Variants in WIPI1 observed in about 807,000 individuals in gnomAD.
WIPI1 encodes the protein WD repeat domain, phosphoinositide interacting 1, also known as WD repeat domain phosphoinositide-interacting protein 1.
WIPI1 carries 45 observed loss-of-function variants against 55.3 expected under a neutral mutation model. The ratio of observed to expected loss-of-function variants is 0.81; its 90% CI spans 0.64 to 1.04. The LOEUF is 1.04. Ranked by LOEUF, WIPI1 falls within the 50% of genes least tolerant of loss-of-function variation. The pLI is 0.00. For missense variants in WIPI1, 445 were observed against 559.0 expected, an observed-to-expected ratio of 0.80 and a Z score of 2.06; for synonymous variants, 195 against 217.6, an observed-to-expected ratio of 0.90 and a Z score of 0.92.
At chr17:68,424,960 A>T (rs898016106) in intron 12 of WIPI1, among the ~76,000 whole-genome samples, 1 of 152,246 alleles carries the variant, frequency 6.6e-6, no homozygotes, top group Non-Finnish European at 1.5e-5. Flanking sequence ...GAAGCTCACA[A>T]GAGCGGTCTA....
At chr17:68,451,821 AAGTT>A (rs1351945338) in intron 2 of WIPI1, among the ~76,000 whole-genome samples, 1 of 152,204 alleles carries the variant, frequency 6.6e-6, no homozygotes, top group Non-Finnish European at 1.5e-5. Context: ...ACTCAGGAAG[AAGTT>A]AGTTAATGAC....
At position 68,421,542 on chromosome 17, in the gene WIPI1, C is replaced by T. The variant is rs961237415; in HGVS notation, c.*231G>A. The T allele has an allele frequency of 9.0e-6, 5 of 557,672 alleles. No individual in the cohort carries two copies. In the Admixed American group the frequency reaches 9.0e-5, roughly 10 times the overall value. 34.5% of individuals were successfully genotyped at this position (557,672 alleles called of 1,614,324 possible). On this transcript the variant is annotated 3_prime_UTR_variant, in exon 13 of 13. Coordinates refer to ENST00000262139, the MANE Select transcript of WIPI1 (RefSeq NM_017983.7). The stretch of plus-strand genomic sequence containing the variant: ...ATTAGCATTTACACTATAGTTTGAA[C>T]GTATTTTAAATAGCATGATGTGTAT...
At chr17:68,443,874 G>A (rs117134371) in intron 4 of WIPI1, among the ~76,000 whole-genome samples, 210 of 152,260 alleles carry the variant, frequency 1.4e-3, no homozygotes, top group Middle Eastern at 3.4e-3. Context: ...ATTCTTTCTT[G>A]TTTACTCCTA....
At position 68,444,495 on chromosome 17, in the gene WIPI1, G is replaced by A. The variant is rs767076790; in HGVS notation, c.428C>T (p.Thr143Ile). The change falls in exon 4 of 13, where the codon ACA becomes ATA. Residue 143 changes from threonine (T) to isoleucine (I), a missense_variant and splice_region_variant. By Grantham distance (89) the Thr-to-Ile change is moderately conservative. Coordinates refer to ENST00000262139, the MANE Select transcript of WIPI1 (RefSeq NM_017983.7). ...KTLLDIPANP[T>I]GLCALSINHS... ...TTTGTTCCATTTTTGGAGCTCACCTGTTGGGTTTGCAGGAATATCCAGGAG... is the reference window on the plus strand; with the variant it reads ...TTTGTTCCATTTTTGGAGCTCACCTATTGGGTTTGCAGGAATATCCAGGAG... 1 of 1,612,798 alleles carries A rather than the reference G, an allele frequency of 6.2e-7. No homozygotes were observed. Among genetic ancestry groups the A allele is most frequent in the South Asian group, 1.1e-5 (1 of 90,692 alleles).
chr17:68,425,891 C>A (rs947895890), intron 12 of WIPI1, 184 bp downstream of exon 12: 1 of 582,428 alleles, frequency 1.7e-6, no homozygotes, highest in Non-Finnish European at 3.0e-6. Flanking sequence ...ACACCTAAAG[C>A]CTACTCTGTA....
chr17:68,438,864 T>C (rs528363583), intron 4 of WIPI1, among the ~76,000 whole-genome samples: 2 of 152,272 alleles, frequency 1.3e-5, no homozygotes, highest in African/African-American at 4.8e-5. Flanking sequence ...CCTCCCAAAG[T>C]GCTGGGATTA....
intron 8 of WIPI1, among the ~76,000 whole-genome samples, chr17:68,433,074 A>G (rs1412142706): frequency 1.3e-5 from 2 of 152,246 alleles, no homozygotes; most frequent in Non-Finnish European, 2.9e-5. Flanking sequence ...ATATTGTTAT[A>G]TTTACAGCTA....
At chr17:68,450,580 A>C (rs1340572794) in intron 3 of WIPI1, 148 bp downstream of exon 3, 1 of 1,091,570 alleles carries the variant, frequency 9.2e-7, no homozygotes, top group African/African-American at 1.6e-5. Flanking sequence ...CTCTGTTTAC[A>C]ATACCCCCGG....
At chr17:68,453,387 G>A (rs1427832883) in intron 1 of WIPI1, among the ~76,000 whole-genome samples, 1 of 152,164 alleles carries the variant, frequency 6.6e-6, no homozygotes, top group African/African-American at 2.4e-5. Context: ...TGTTGTCTGA[G>A]AGGCACTTTA....
At chr17:68,444,132 C>T (rs957646692) in intron 4 of WIPI1, among the ~76,000 whole-genome samples, 7 of 152,182 alleles carry the variant, frequency 4.6e-5, no homozygotes, top group African/African-American at 1.2e-4. Flanking sequence ...CTAATTATCA[C>T]GCCTACTCTG....
rs199649033 is a variant in WIPI1 at position 68,437,948 on chromosome 17, T to TAAAAAAAAAAAAA, written c.431-1482_431-1470dup. On this transcript the variant is annotated intron_variant, in intron 4 of 12. Transcript: ENST00000262139. ...GATCACGCAAGAGAGACATCTCTCT[T>TAAAAAAAAAAAAA]AAAAAAAAAAAAAAAAAAAAAAAAA... is the stretch of plus-strand genomic sequence containing the variant. Among the ~76,000 whole-genome samples the TAAAAAAAAAAAAA allele has an allele frequency of 8.6e-4, 68 of 78,788 alleles. 1 individual carries two copies. Among genetic ancestry groups the TAAAAAAAAAAAAA allele is most frequent in the African/African-American group, 2.8e-3 (59 of 21,038 alleles). 51.7% of individuals were successfully genotyped at this position (78,788 alleles called of 152,430 possible). A position where few individuals can be genotyped will look rare whatever the true frequency, so the allele number is the denominator to read the frequency against.
Position 68,435,640 on chromosome 17 carries a change from G to A in WIPI1, c.601C>T (p.Leu201=), listed in dbSNP as rs1354295688. 2.5e-6 allele frequency: 4 copies of A among 1,614,198 alleles called. No individual in the cohort carries two copies. The South Asian group carries it at 4.4e-5, about 18-fold the overall frequency. The part of the protein sequence containing the change: ...AITFNASGSK[L]ASASEKGTVI... ...CTCACTTTTTCAGACGCACTTGCTAGTTTGGAGCCTGAGGCATTGAAGGTG... is the reference window on the plus strand; with the variant it reads ...CTCACTTTTTCAGACGCACTTGCTAATTTGGAGCCTGAGGCATTGAAGGTG... The change falls in exon 6 of 13, where the codon CTA becomes TTA. Residue 201 remains leucine (L), a synonymous_variant. Transcript: ENST00000262139.
intron 9 of WIPI1, 47 bp from the exon 10 acceptor site, chr17:68,428,983 G>A (rs775595246): frequency 3.5e-5 from 50 of 1,447,638 alleles, no homozygotes; most frequent in Non-Finnish European, 4.3e-5. Context: ...GAAGATGGGC[G>A]ATGGATTCGC....
chr17:68,436,579 C>A, intron 4 of WIPI1, 100 bp from the exon 5 acceptor site: 1 of 1,068,764 alleles, frequency 9.4e-7, no homozygotes, highest in Non-Finnish European at 1.4e-6. Context: ...GTGCCACCTA[C>A]TGGCAAGGGG....
intron 4 of WIPI1, among the ~76,000 whole-genome samples, chr17:68,442,732 GATC>G (rs1448556585): frequency 6.6e-6 from 1 of 152,158 alleles, no homozygotes; most frequent in Non-Finnish European, 1.5e-5. Flanking sequence ...TCTCATTCCT[GATC>G]AGAAGAGCAC....
At position 68,435,206 on chromosome 17, in the gene WIPI1, C is replaced by CAAA. The variant is rs35370218; in HGVS notation, c.621+411_621+413dup. ...TGGGCGACAGAGCTAGACTCCACCT[C>CAAA]AAAAAAAAAAAAAAAATTCAATTGG... is the stretch of plus-strand genomic sequence containing the variant. On this transcript the variant is annotated intron_variant, in intron 6 of 12. Transcript: ENST00000262139. Among the ~76,000 whole-genome samples, 262 of 139,194 alleles carry CAAA rather than the reference C, an allele frequency of 1.9e-3. 1 individual carries two copies. Among genetic ancestry groups the CAAA allele is most frequent in the African/African-American group, 6.6e-3 (243 of 36,616 alleles). 91.3% of individuals were successfully genotyped at this position (139,194 alleles called of 152,430 possible).
intron 12 of WIPI1, among the ~76,000 whole-genome samples, chr17:68,424,736 G>T (rs1013858780): frequency 6.6e-6 from 1 of 152,114 alleles, no homozygotes; most frequent in Admixed American, 6.5e-5. Context: ...TATTAGTTGG[G>T]CATGGTGGCG....
intron 7 of WIPI1, 35 bp from the exon 8 acceptor site, chr17:68,433,610 G>A: frequency 1.3e-6 from 2 of 1,552,334 alleles, no homozygotes; most frequent in South Asian, 1.1e-5. Flanking sequence ...CAGTGAGCAA[G>A]AGAAATGGGA....
Position 68,423,774 on chromosome 17 carries a change from A to G in WIPI1, c.1294-1954T>C, listed in dbSNP as rs1202967161. ...AATAAATGATCTGCACAAGGTACCT[A>G]TTATTTTATACAGGTTCTTTGGCAA... On this transcript the variant is annotated intron_variant, in intron 12 of 12. Transcript: ENST00000262139. This position sits in a 1 kb window ranked among gnomAD's most constrained non-coding sequence, Gnocchi z 4.4. Among the ~76,000 whole-genome samples the G allele has an allele frequency of 6.6e-6, 1 of 152,168 alleles. No homozygotes were observed. Among genetic ancestry groups the G allele is most frequent in the Non-Finnish European group, 1.5e-5 (1 of 68,020 alleles).
Sources: allele counts gnomAD v4.1 joint callset (sites outside exome capture counted in the v4.1 genomes callset), GRCh38; gene constraint gnomAD v4.1.1; non-coding constraint Gnocchi (gnomAD v3.1); transcripts MANE v1.5; gene names NCBI Gene and HGNC (gene_info 2026-07-23, HGNC 2026-07-21).